Variants in KCNMB2 observed in about 807,000 individuals in gnomAD.
KCNMB2 encodes calcium-activated potassium channel subunit beta-2.
A neutral mutation model predicts 24.5 loss-of-function variants in KCNMB2; 9 were observed. The ratio of observed to expected loss-of-function variants is 0.37; its 90% CI spans 0.22 to 0.64. The LOEUF is 0.64. KCNMB2 is among the 30% of genes least tolerant of loss of function. KCNMB2 has a pLI of 0.63. For missense variants in KCNMB2, 226 were observed against 284.3 expected, an observed-to-expected ratio of 0.79 and a Z score of 1.47; for synonymous variants, 109 against 104.4, an observed-to-expected ratio of 1.04 and a Z score of -0.27.
chr3:178,557,771 T>A (rs971004485), intron 1 of KCNMB2, among the ~76,000 whole-genome samples: 2 of 152,230 alleles, frequency 1.3e-5, no homozygotes, highest in African/African-American at 4.8e-5. Flanking sequence ...CTCTGTGAAA[T>A]CAGTGAGAAT....
At chr3:178,737,027 T>C (rs1173744186) in intron 1 of KCNMB2, among the ~76,000 whole-genome samples, 2 of 152,174 alleles carry the variant, frequency 1.3e-5, no homozygotes, top group Non-Finnish European at 2.9e-5. Context: ...CCCAACACTT[T>C]GGGAGGCTGA....
intron 1 of KCNMB2, among the ~76,000 whole-genome samples, chr3:178,621,469 C>A (rs1429879831): frequency 6.8e-6 from 1 of 146,714 alleles, no homozygotes; most frequent in Non-Finnish European, 1.5e-5. Flanking sequence ...GCTTAAATAT[C>A]TGCTTCCTCC....
At chr3:178,787,038 C>T (rs1224036933) in intron 1 of KCNMB2, among the ~76,000 whole-genome samples, 4 of 152,046 alleles carry the variant, frequency 2.6e-5, no homozygotes, top group East Asian at 1.9e-4. Flanking sequence ...TAGGAGACCA[C>T]GAGGCAAAAC....
At chr3:178,641,660 T>C (rs1719732699) in intron 1 of KCNMB2, among the ~76,000 whole-genome samples, 2 of 152,132 alleles carry the variant, frequency 1.3e-5, no homozygotes, top group Non-Finnish European at 2.9e-5. Context: ...ATTTTATTTC[T>C]TGTTTTTACC....
intron 1 of KCNMB2, among the ~76,000 whole-genome samples, chr3:178,799,649 A>G (rs931314072): frequency 1.3e-5 from 2 of 152,164 alleles, no homozygotes; most frequent in Non-Finnish European, 2.9e-5. Flanking sequence ...AATACCAATG[A>G]CATTCTCCAC....
intron 2 of KCNMB2, among the ~76,000 whole-genome samples, chr3:178,818,244 C>T (rs866583842): frequency 6.6e-6 from 1 of 152,048 alleles, no homozygotes; most frequent in South Asian, 2.1e-4. Flanking sequence ...CAAATGATGC[C>T]CAGATCTAAA....
rs182228210 is a variant in KCNMB2 at position 178,631,517 on chromosome 3, T to G, written c.-68+94806T>G. ...TTCCTTAATTCCCTTTTGCTGCCCA[T>G]GGTTAGGCCCAAATAACACATGGTG... On this transcript the variant is annotated intron_variant, in intron 1 of 4. Transcript: ENST00000452583. Among the ~76,000 whole-genome samples the G allele has an allele frequency of 3.1e-4, 47 of 152,340 alleles. 1 individual carries two copies. Among genetic ancestry groups the G allele is most frequent in the African/African-American group, 1.1e-3 (47 of 41,578 alleles).
At chr3:178,813,349 A>G (rs1714271497) in intron 2 of KCNMB2, among the ~76,000 whole-genome samples, 2 of 152,114 alleles carry the variant, frequency 1.3e-5, no homozygotes, top group South Asian at 4.1e-4. Flanking sequence ...TCATTTTGCA[A>G]TTATTTCATT....
intron 1 of KCNMB2, among the ~76,000 whole-genome samples, chr3:178,584,638 G>A (rs374627359): frequency 6.6e-6 from 1 of 151,708 alleles, no homozygotes; most frequent in Non-Finnish European, 1.5e-5. Flanking sequence ...TAGTTTTTAA[G>A]TTCAGAGGAA....
intron 2 of KCNMB2, among the ~76,000 whole-genome samples, chr3:178,807,851 C>T (rs1045756541): frequency 6.6e-6 from 1 of 151,986 alleles, no homozygotes; most frequent in African/African-American, 2.4e-5. Flanking sequence ...AAATACTGAG[C>T]ACCAAATGTA....
chr3:178,641,088 T>G lies in KCNMB2; in HGVS notation c.-68+104377T>G, dbSNP rs1049279037. On this transcript the variant is annotated intron_variant, in intron 1 of 4. Coordinates refer to ENST00000452583, the MANE Select transcript of KCNMB2 (RefSeq NM_181361.3). The stretch of plus-strand genomic sequence containing the variant: ...TTAATTTACCAATACTACACTGTCA[T>G]GATTTCTTTAACTTTACATTAATTT... Among the ~76,000 whole-genome samples the G allele has an allele frequency of 1.3e-5, 2 of 152,202 alleles. 1 individual carries two copies.
chr3:178,608,625 TTC>T (rs2108513739), intron 1 of KCNMB2, among the ~76,000 whole-genome samples: 1 of 152,308 alleles, frequency 6.6e-6, no homozygotes, highest in South Asian at 2.1e-4. Context: ...GTCTTATTTA[TTC>T]TTTCTATTTT....
intron 1 of KCNMB2, among the ~76,000 whole-genome samples, chr3:178,557,223 A>T (rs1447685788): frequency 6.6e-6 from 1 of 152,142 alleles, no homozygotes; most frequent in African/African-American, 2.4e-5. Context: ...TCAAATCTGT[A>T]TCTAGGTATG....
In KCNMB2 at chr3:178,759,318, TATATATATATATATATCTCCAAGAGG is replaced by T. The variant is rs1358788205; in HGVS notation, c.-67-48008_-67-47983del. On this transcript the variant is annotated intron_variant, in intron 1 of 4. Transcript: ENST00000452583. ...AGACATATATATATCTCCAAGAGGA[TATATATATATATATATCTCCAAGAGG>T]ATATATATATATATATATCTCCAAG... Among the ~76,000 whole-genome samples the T allele has an allele frequency of 5.3e-4, 32 of 60,224 alleles. 2 individuals are homozygous for T. Among genetic ancestry groups the T allele is most frequent in the African/African-American group, 1.5e-3 (24 of 15,508 alleles). 39.5% of individuals were successfully genotyped at this position (60,224 alleles called of 152,430 possible).
intron 1 of KCNMB2, among the ~76,000 whole-genome samples, chr3:178,756,825 T>C (rs938779814): frequency 6.6e-6 from 1 of 152,076 alleles, no homozygotes; most frequent in African/African-American, 2.4e-5. Context: ...TTAACAGCAT[T>C]AAAACTCATG....
At chr3:178,591,416 A>G (rs1717668639) in intron 1 of KCNMB2, among the ~76,000 whole-genome samples, 1 of 152,172 alleles carries the variant, frequency 6.6e-6, no homozygotes, top group African/African-American at 2.4e-5. Flanking sequence ...AGTAAGATTC[A>G]AAACATGCAT....
Position 178,815,485 on chromosome 3 carries a change from T to G in KCNMB2, c.56+8020T>G, listed in dbSNP as rs185371053. On this transcript the variant is annotated intron_variant, in intron 2 of 4. Transcript: ENST00000452583. The stretch of plus-strand genomic sequence containing the variant: ...TTGTATTTTCTTCATAATTACATCA[T>G]TGGTGAATACGCTTTTATTTCTTCT... Among the ~76,000 whole-genome samples the G allele has an allele frequency of 1.4e-3, 207 of 152,312 alleles. 7 individuals carry two copies. Among genetic ancestry groups the G allele is most frequent in the Admixed American group, 0.013 (203 of 15,278 alleles).
At chr3:178,733,068 T>A (rs1723205276) in intron 1 of KCNMB2, among the ~76,000 whole-genome samples, 1 of 152,194 alleles carries the variant, frequency 6.6e-6, no homozygotes, top group Non-Finnish European at 1.5e-5. Context: ...CTTTGAAATA[T>A]TCCATAATAA....
intron 1 of KCNMB2, among the ~76,000 whole-genome samples, chr3:178,646,711 G>A (rs572621649): frequency 1.3e-5 from 2 of 152,184 alleles, no homozygotes; most frequent in South Asian, 4.1e-4. Flanking sequence ...CCACAGCTCT[G>A]GATAGTAAGT....
Sources: gnomAD v4.1 joint callset for allele counts (sites outside exome capture counted in the v4.1 genomes callset) on GRCh38, gnomAD v4.1.1 for gene constraint, MANE v1.5 for transcripts, NCBI Gene and HGNC (gene_info 2026-07-23, HGNC 2026-07-21) for gene names.